The following EXOC5 variants were observed in gnomAD, a reference collection of about 807,000 sequenced individuals.
EXOC5 encodes SEC10-like 1.
EXOC5 carries 17 observed loss-of-function variants against 90.8 expected under a neutral mutation model. The ratio of observed to expected loss-of-function variants is 0.19; its 90% CI spans 0.13 to 0.28. EXOC5 has a LOEUF of 0.28. EXOC5 is among the 10% of genes least tolerant of loss of function. EXOC5 has a pLI of 1.00. For missense variants in EXOC5, 569 were observed against 830.6 expected, an observed-to-expected ratio of 0.69 and a Z score of 3.87; for synonymous variants, 260 against 270.0, an observed-to-expected ratio of 0.96 and a Z score of 0.36.
rs17854085 is a variant in EXOC5, at chr14:57,210,042, C to T, written c.1633G>A (p.Gly545Arg). 3 of 1,573,718 alleles carry T rather than the reference C, an allele frequency of 1.9e-6. No homozygotes were observed. Among genetic ancestry groups the T allele is most frequent in the Non-Finnish European group, 2.6e-6 (3 of 1,146,270 alleles). The stretch of plus-strand genomic sequence containing the variant: ...GCAGCCAAAATATGCTTCATCTGTC[C>T]AATCATACAATTTAATGTCCTAGAG... ...GIDRTLNCMI[G>R]QMKHILAAEQ... Residue 545 changes from glycine (G) to arginine (R), a missense_variant, in exon 16 of 18, where the codon GGA (glycine) becomes AGA (arginine). Coordinates refer to ENST00000621441, the MANE Select transcript of EXOC5 (RefSeq NM_006544.4).
intron 15 of EXOC5, among the ~76,000 whole-genome samples, chr14:57,210,910 A>G (rs1234167537): frequency 6.6e-6 from 1 of 152,160 alleles, no homozygotes; most frequent in African/African-American, 2.4e-5. Context: ...GCTTTCATGA[A>G]AAGGTTACTC....
chr14:57,265,109 C>T (rs1284043512), intron 1 of EXOC5, among the ~76,000 whole-genome samples: 2 of 150,070 alleles, frequency 1.3e-5, no homozygotes, highest in Non-Finnish European at 1.5e-5. Flanking sequence ...TGCTCATTTC[C>T]ATAACTTACT....
chr14:57,216,902 T>C (rs988235842), intron 15 of EXOC5, among the ~76,000 whole-genome samples: 11 of 151,882 alleles, frequency 7.2e-5, no homozygotes, highest in Non-Finnish European at 1.2e-4. Flanking sequence ...TCCAAACATA[T>C]AAGGAACTCA....
chr14:57,258,375 G>A (rs1480482502), intron 1 of EXOC5, among the ~76,000 whole-genome samples: 1 of 152,122 alleles, frequency 6.6e-6, no homozygotes, highest in Non-Finnish European at 1.5e-5. Flanking sequence ...CCATAAAAAA[G>A]GATGAGTTCA....
intron 12 of EXOC5, among the ~76,000 whole-genome samples, chr14:57,227,773 T>A (rs966303883): frequency 1.3e-5 from 2 of 152,194 alleles, no homozygotes; most frequent in African/African-American, 4.8e-5. Context: ...TATTCACATG[T>A]ATAATTTACT....
intron 1 of EXOC5, among the ~76,000 whole-genome samples, chr14:57,260,417 C>T (rs909230572): frequency 6.6e-6 from 1 of 152,098 alleles, no homozygotes; most frequent in African/African-American, 2.4e-5. Flanking sequence ...AACATTCAAT[C>T]TTGAAGCCCT....
At chr14:57,232,552 G>A (rs1883518300) in intron 10 of EXOC5, 115 bp downstream of exon 10, 2 of 541,918 alleles carry the variant, frequency 3.7e-6, no homozygotes, top group Non-Finnish European at 6.5e-6. Flanking sequence ...AGCATTTAAT[G>A]CTAAAAGGTA....
In EXOC5 at chr14:57,235,643, A is replaced by G. The variant is rs958419511; in HGVS notation, c.669+68T>C. The G allele has an allele frequency of 7.6e-6, 6 of 792,764 alleles. No homozygotes were observed. In the Admixed American group the frequency reaches 1.0e-4, roughly 14 times the overall value. The allele number at this position is 792,764 out of a possible 1,614,324, so 49.1% of individuals were successfully genotyped here. Reference sequence around the variant, plus strand: ...TAATGAATGGGGGAAATCAGAGACTATAATATATAGAACTTACGTAATTTC... The same window carrying G: ...TAATGAATGGGGGAAATCAGAGACTGTAATATATAGAACTTACGTAATTTC... On this transcript the variant is annotated intron_variant, in intron 7 of 17. Transcript: ENST00000621441.
intron 4 of EXOC5, among the ~76,000 whole-genome samples, chr14:57,241,637 G>A (rs1248415997): frequency 1.3e-5 from 2 of 152,166 alleles, no homozygotes; most frequent in Non-Finnish European, 2.9e-5. Context: ...GTAAAGCACA[G>A]ATATCTCTTA....
intron 15 of EXOC5, among the ~76,000 whole-genome samples, chr14:57,217,639 C>G (rs1319400869): frequency 6.6e-6 from 1 of 152,128 alleles, no homozygotes; most frequent in Non-Finnish European, 1.5e-5. Flanking sequence ...TTCCTTGAAA[C>G]ACAGTAACAT....
intron 11 of EXOC5, among the ~76,000 whole-genome samples, chr14:57,231,175 A>G (rs1883476129): frequency 6.6e-6 from 1 of 151,752 alleles, no homozygotes; most frequent in Non-Finnish European, 1.5e-5. Flanking sequence ...CGCCCAGCTA[A>G]TTTTTGTGTT....
chr14:57,262,538 ATGTGTGTGTG>A (rs55879618), intron 1 of EXOC5, among the ~76,000 whole-genome samples: 1,500 of 143,842 alleles, frequency 0.01, 26 homozygotes, highest in African/African-American at 0.037. Flanking sequence ...GTAAATACAT[ATGTGTGTGTG>A]TGTGTGTGTG....
At chr14:57,227,834 C>T (rs10139409) in intron 12 of EXOC5, among the ~76,000 whole-genome samples, 36,972 of 151,844 alleles carry the variant, frequency 0.24, 10,860 homozygotes, top group African/African-American at 0.71. Context: ...ATTAAGACTG[C>T]CTCAACTCTC....
chr14:57,257,143 G>C (rs1208866850), intron 1 of EXOC5, among the ~76,000 whole-genome samples: 1 of 152,074 alleles, frequency 6.6e-6, no homozygotes, highest in Non-Finnish European at 1.5e-5. Context: ...CATATAAGTT[G>C]CTGATAGACT....
chr14:57,253,142 G>T (rs1310286845), intron 1 of EXOC5, among the ~76,000 whole-genome samples: 1 of 152,082 alleles, frequency 6.6e-6, no homozygotes, highest in Non-Finnish European at 1.5e-5. Flanking sequence ...AGGCTAAAGC[G>T]GAGGCAGGGA....
chr14:57,234,414 G>C (rs1883587738), intron 7 of EXOC5, among the ~76,000 whole-genome samples: 1 of 150,600 alleles, frequency 6.6e-6, no homozygotes, highest in Admixed American at 6.6e-5. Flanking sequence ...CACATACACA[G>C]AGAGTCAAGG....
intron 4 of EXOC5, 123 bp downstream of exon 4, chr14:57,244,042 A>C: frequency 1.5e-6 from 1 of 645,312 alleles, no homozygotes; most frequent in South Asian, 2.0e-5. Flanking sequence ...GAACAATAAA[A>C]ACTTTTAATA....
In EXOC5 at chr14:57,268,752, G is replaced by C. The variant is rs1334544629; in HGVS notation, c.-104C>G. On this transcript the variant is annotated 5_prime_UTR_variant, in exon 1 of 18. Coordinates refer to ENST00000621441, the MANE Select transcript of EXOC5 (RefSeq NM_006544.4). ...GGTCTCCGCTCGGCTCGCCAGCTCC[G>C]GCTCCGGGCCGCTGCGGGCTCCCCA... The C allele has an allele frequency of 8.8e-6, 13 of 1,473,728 alleles. No individual in the cohort carries two copies. Among genetic ancestry groups the C allele is most frequent in the Non-Finnish European group, 1.2e-5 (13 of 1,117,612 alleles). 91.3% of individuals were successfully genotyped at this position (1,473,728 alleles called of 1,614,324 possible).
At chr14:57,267,588 C>T (rs935808656) in intron 1 of EXOC5, among the ~76,000 whole-genome samples, 12 of 152,088 alleles carry the variant, frequency 7.9e-5, no homozygotes, top group Admixed American at 6.5e-4. Flanking sequence ...AACACAAGCA[C>T]ACACACAAAA....
Sources: allele counts gnomAD v4.1 joint callset (sites outside exome capture counted in the v4.1 genomes callset), GRCh38; gene constraint gnomAD v4.1.1; transcripts MANE v1.5; gene names NCBI Gene and HGNC (gene_info 2026-07-23, HGNC 2026-07-21).